Variants in CR1L observed in about 807,000 individuals in gnomAD.
CR1L encodes the protein complement C3b/C4b receptor 1 like.
Under a neutral mutation model 62.3 loss-of-function variants are expected in CR1L, and 59 were observed. That is an observed-to-expected ratio of 0.95 (90% CI 0.77 to 1.18). The LOEUF is 1.18. Among genes scored for constraint, CR1L ranks in the 50% most tolerant of loss-of-function variants. The pLI is 0.00. For missense variants in CR1L, 700 were observed against 702.8 expected, an observed-to-expected ratio of 1.00 and a Z score of 0.04; for synonymous variants, 279 against 248.7, an observed-to-expected ratio of 1.12 and a Z score of -1.15.
chr1:207,715,851 A>G (rs1653986456), intron 10 of CR1L, among the ~76,000 whole-genome samples: 1 of 152,102 alleles, frequency 6.6e-6, no homozygotes, highest in African/African-American at 2.4e-5. Flanking sequence ...GCATGCCACC[A>G]CACCTGGCTA....
At chr1:207,680,251 G>A (rs1571516228) in intron 3 of CR1L, among the ~76,000 whole-genome samples, 1 of 152,106 alleles carries the variant, frequency 6.6e-6, no homozygotes, top group East Asian at 1.9e-4. Context: ...GTTCATTATT[G>A]CTGTGAACCA....
chr1:207,646,406 A>T (rs867671905), intron 1 of CR1L, among the ~76,000 whole-genome samples: 6 of 152,158 alleles, frequency 3.9e-5, no homozygotes, highest in African/African-American at 1.2e-4. Flanking sequence ...GAATGGAATC[A>T]ATATTTTTAA....
At position 207,645,195 on chromosome 1, in the gene CR1L, C is replaced by G. The variant is rs1256088646; in HGVS notation, c.-39C>G. The G allele has an allele frequency of 6.2e-7, 1 of 1,604,520 alleles. No individual in the cohort carries two copies. The highest frequency in any genetic ancestry group is 1.3e-5 in the African/African-American group (1 of 74,740). The stretch of plus-strand genomic sequence containing the variant: ...GCTCGGCTGGCTTTCGGTTTCTCTG[C>G]TCACCTCCGGATAAATCACGGGGTC... On this transcript the variant is annotated 5_prime_UTR_variant, in exon 1 of 12. Coordinates refer to ENST00000508064, the MANE Select transcript of CR1L (RefSeq NM_175710.2).
chr1:207,669,168 C>A (rs759336136), intron 1 of CR1L: 39 of 295,058 alleles, frequency 1.3e-4, no homozygotes, highest in Middle Eastern at 2.3e-3. Context: ...CGGGATCCAT[C>A]GGAAGCCCAA....
At chr1:207,682,340 C>T (rs186534334) in intron 3 of CR1L, among the ~76,000 whole-genome samples, 2 of 152,026 alleles carry the variant, frequency 1.3e-5, no homozygotes, top group African/African-American at 2.4e-5. Context: ...GGCATAGTGG[C>T]GTGCACCTGT....
rs749304735 is a variant in CR1L at position 207,694,644 on chromosome 1, A to G, written c.755A>G (p.Glu252Gly). ...AACAGAAGCTTATTTTCCTTAAATG[A>G]AGTTGTGGAGTTTAGGTGTCAGCCT... Reference protein sequence around the residue: ...SDNRSLFSLNEVVEFRCQPGF... With the variant: ...SDNRSLFSLNGVVEFRCQPGF... Residue 252 changes from glutamate (E) to glycine (G), a missense_variant, in exon 5 of 12, where the codon GAA becomes GGA. Glu to Gly is a moderately conservative substitution (Grantham distance 98). Coordinates refer to ENST00000508064, the MANE Select transcript of CR1L (RefSeq NM_175710.2). The G allele has an allele frequency of 6.2e-7, 1 of 1,611,854 alleles. No homozygotes were observed. Among genetic ancestry groups the G allele is most frequent in the Non-Finnish European group, 8.5e-7 (1 of 1,179,720 alleles).
intron 1 of CR1L, chr1:207,669,548 C>T (rs1558014102): frequency 9.6e-6 from 15 of 1,566,940 alleles, no homozygotes; most frequent in East Asian, 2.3e-5. Flanking sequence ...GTGCTGCTCG[C>T]GCTGCCGGTG....
At chr1:207,665,899 G>A (rs190956009) in intron 1 of CR1L, among the ~76,000 whole-genome samples, 42 of 152,326 alleles carry the variant, frequency 2.8e-4, no homozygotes, top group African/African-American at 1.0e-3. Flanking sequence ...CAGTATTCGG[G>A]AATGTTTGTG....
At chr1:207,693,186 C>T (rs928844368) in intron 4 of CR1L, among the ~76,000 whole-genome samples, 4 of 152,174 alleles carry the variant, frequency 2.6e-5, no homozygotes, top group Admixed American at 1.3e-4. Context: ...GGCGCGATCT[C>T]GGCTGACTGC....
chr1:207,710,399 C>T (rs746569324), intron 10 of CR1L: 2 of 1,512,434 alleles, frequency 1.3e-6, no homozygotes, highest in Non-Finnish European at 1.8e-6. Flanking sequence ...TTGTGGGCTA[C>T]CCCCCAACAT....
In CR1L at chr1:207,697,813, A is replaced by G. The variant is rs767494133; in HGVS notation, c.1082A>G (p.His361Arg). 2.5e-6 allele frequency: 4 copies of G among 1,613,950 alleles called. No individual in the cohort carries two copies. The highest frequency in any genetic ancestry group is 1.1e-5 in the South Asian group (1 of 91,080). ...DDFLGQLPNG[H>R]VLFPLNLQLG... ...TTCCTGGGCCAACTTCCTAATGGCC[A>G]TGTGCTATTTCCACTTAATCTCCAG... Residue 361 changes from histidine to arginine, a missense_variant, in exon 7 of 12, where the codon CAT becomes CGT. Coordinates refer to ENST00000508064, the MANE Select transcript of CR1L (RefSeq NM_175710.2).
chr1:207,670,199 T>C (rs1027826185), intron 1 of CR1L, among the ~76,000 whole-genome samples: 2 of 150,854 alleles, frequency 1.3e-5, no homozygotes, highest in African/African-American at 5.0e-5. Context: ...CCTCGTCCCC[T>C]ACCCCAAGCC....
At chr1:207,721,556 G>A (rs1457104674) in intron 11 of CR1L, among the ~76,000 whole-genome samples, 1 of 149,328 alleles carries the variant, frequency 6.7e-6, no homozygotes, top group Non-Finnish European at 1.5e-5. Context: ...ATTCCATGGT[G>A]TATATGTGCC....
intron 1 of CR1L, among the ~76,000 whole-genome samples, chr1:207,665,076 C>T (rs1023834268): frequency 5.3e-5 from 8 of 152,024 alleles, no homozygotes; most frequent in East Asian, 1.9e-4. Flanking sequence ...TTTTTTGAGA[C>T]GGAGTCTTGC....
At chr1:207,712,298 T>C (rs547250610) in intron 10 of CR1L, among the ~76,000 whole-genome samples, 3 of 152,206 alleles carry the variant, frequency 2.0e-5, no homozygotes, top group Admixed American at 2.0e-4. Context: ...CTAGGAAATA[T>C]GTAGATGGAG....
chr1:207,655,537 A>G (rs1663294641), intron 1 of CR1L, among the ~76,000 whole-genome samples: 1 of 152,150 alleles, frequency 6.6e-6, no homozygotes, highest in African/African-American at 2.4e-5. Context: ...CAGTGGCACA[A>G]TCTCAGGTCA....
At chr1:207,697,953 C>T (rs764591022) in intron 7 of CR1L, 80 bp downstream of exon 7, 111 of 1,592,660 alleles carry the variant, frequency 7.0e-5, no homozygotes, top group Non-Finnish European at 8.8e-5. Context: ...TTTGATGTGG[C>T]TTAAAAAAAG....
chr1:207,663,890 T>C lies in CR1L; in HGVS notation c.98-13499T>C, dbSNP rs571873369. On this transcript the variant is annotated intron_variant, in intron 1 of 11. Coordinates refer to ENST00000508064, the MANE Select transcript of CR1L (RefSeq NM_175710.2). ...AGTTTGAGTCTTTTGATGTAACACA[T>C]TTAAACAGGGAAATTTCTGCTGTCT... Among the ~76,000 whole-genome samples the C allele has an allele frequency of 1.4e-4, 21 of 152,366 alleles. No individual in the cohort carries two copies. In the East Asian group the frequency reaches 3.7e-3, roughly 27 times the overall value.
intron 1 of CR1L, among the ~76,000 whole-genome samples, chr1:207,646,635 CAGG>C (rs565109018): frequency 4.5e-4 from 64 of 141,824 alleles, no homozygotes; most frequent in African/African-American, 1.6e-3. Context: ...CGCTTGAGCC[CAGG>C]AGGAGAAGAC....
Sources: allele counts gnomAD v4.1 joint callset (sites outside exome capture counted in the v4.1 genomes callset), GRCh38; gene constraint gnomAD v4.1.1; transcripts MANE v1.5; gene names NCBI Gene and HGNC (gene_info 2026-07-23, HGNC 2026-07-21).